The following PDE3B variants were observed in gnomAD, a reference collection of about 807,000 sequenced individuals.
PDE3B encodes the protein cGMP-inhibited 3',5'-cyclic phosphodiesterase 3B.
Under a neutral mutation model 116.8 loss-of-function variants are expected in PDE3B, and 66 were observed. The observed-to-expected ratio is 0.56, with a 90% CI of 0.46 to 0.69. The LOEUF (loss-of-function observed/expected upper bound fraction) is 0.69. Among genes scored for constraint, PDE3B ranks in the 30% least tolerant of loss-of-function variants. The probability of loss-of-function intolerance (pLI) is 0.00; values close to 1 mark genes in which losing one functional copy is unlikely to be tolerated. For synonymous variants in PDE3B, 595 were observed against 533.6 expected (o/e 1.12, Z -1.59); for missense variants, 1,384 against 1,368.1 (o/e 1.01, Z -0.18).
intron 13 of PDE3B, among the ~76,000 whole-genome samples, chr11:14,860,373 A>G (rs1213637066): frequency 6.6e-6 from 1 of 151,286 alleles, no homozygotes; most frequent in Non-Finnish European, 1.5e-5. Flanking sequence ...TTCTACATAT[A>G]TATTTTTTTT....
chr11:14,851,436 A>G (rs1847750409), intron 12 of PDE3B, among the ~76,000 whole-genome samples: 1 of 151,082 alleles, frequency 6.6e-6, no homozygotes, highest in African/African-American at 2.4e-5. Flanking sequence ...TTGAATTGTG[A>G]GCATGTGTGT....
chr11:14,769,596 G>GATATATAT (rs3059191), intron 1 of PDE3B, among the ~76,000 whole-genome samples: 7 of 141,566 alleles, frequency 4.9e-5, no homozygotes, highest in African/African-American at 1.8e-4. Context: ...CGAATCCAGG[G>GATATATAT]ATATATATAT....
rs756932637 is a variant in PDE3B at position 14,789,137 on chromosome 11, A to C, written c.1310A>C (p.Gln437Pro). The C allele has an allele frequency of 1.2e-6, 2 of 1,611,124 alleles. No individual in the cohort carries two copies. The highest frequency in any genetic ancestry group is 2.2e-5 in the East Asian group (1 of 44,832). The change falls in exon 4 of 16, where the codon CAG becomes CCG. Residue 437 changes from glutamine (Q) to proline (P), a missense_variant. This residue lies in a region of PDE3B where 956 missense variants were observed against 806.8 expected (regional missense o/e 1.18). Coordinates refer to ENST00000282096, the MANE Select transcript of PDE3B (RefSeq NM_000922.4). ...GLNRNSLPTP[Q>P]LRRSSGTSGL... ...AATAGGAATAGTTTGCCAACTCCAC[A>C]GCTGAGGAGAAGCTCAGGAACTTCA...
At chr11:14,818,096 A>C in intron 5 of PDE3B, 87 bp from the exon 6 acceptor site, 1 of 897,144 alleles carries the variant, frequency 1.1e-6, no homozygotes, top group Non-Finnish European at 1.7e-6. Flanking sequence ...ATAAGGAAAA[A>C]ATCCATAAAA....
At chr11:14,697,983 C>T (rs970539394) in intron 1 of PDE3B, among the ~76,000 whole-genome samples, 9 of 151,766 alleles carry the variant, frequency 5.9e-5, no homozygotes, top group African/African-American at 2.2e-4. Flanking sequence ...ACTTTCCCAC[C>T]CTTTTATTGC....
chr11:14,815,729 T>G (rs1043385283), intron 5 of PDE3B, among the ~76,000 whole-genome samples: 1 of 152,100 alleles, frequency 6.6e-6, no homozygotes, highest in African/African-American at 2.4e-5. Context: ...GGGCAAGGGT[T>G]AATGCTACCT....
chr11:14,756,801 TA>T (rs1164784142), intron 1 of PDE3B, among the ~76,000 whole-genome samples: 7 of 150,534 alleles, frequency 4.7e-5, no homozygotes, highest in Non-Finnish European at 5.9e-5. Flanking sequence ...TTTAAGTGCT[TA>T]TTTTTTTTTT....
Position 14,644,733 on chromosome 11 carries a change from G to A in PDE3B, c.658G>A (p.Val220Ile). Residue 220 changes from valine to isoleucine, a missense_variant, in exon 1 of 16, where the codon GTT becomes ATT. Val to Ile is a conservative substitution (Grantham distance 29). Transcript: ENST00000282096. ...GCACCCGCTGCGGCTCCGGCACTGC[G>A]TTCTGGTGCTGCTCCTGGCCAGCTT... ...LAHPLRLRHC[V>I]LVLLLASFVW... The A allele has an allele frequency of 1.9e-6, 3 of 1,570,464 alleles. No individual in the cohort carries two copies. The highest frequency in any genetic ancestry group is 2.6e-6 in the Non-Finnish European group (3 of 1,159,774).
chr11:14,801,707 G>GGTTA (rs1315427466), intron 4 of PDE3B, among the ~76,000 whole-genome samples: 2 of 152,200 alleles, frequency 1.3e-5, no homozygotes, highest in Non-Finnish European at 2.9e-5. Flanking sequence ...GGGCAGGGAT[G>GGTTA]GTTAAGTCTG....
rs199971236 is a variant in PDE3B, at chr11:14,859,229, G to A, written c.2707G>A (p.Ala903Thr). The part of the protein sequence containing the change: ...TDLKKHFDFL[A>T]EFNAKANDVN... ...TCTTAAAAAGCATTTTGATTTTCTC[G>A]CAGAATTCAATGCCAAGGTTTGTTA... is the stretch of plus-strand genomic sequence containing the variant. Residue 903 changes from alanine (A) to threonine (T), a missense_variant, in exon 13 of 16, where the codon GCA (alanine) becomes ACA (threonine). By Grantham distance (58) the Ala-to-Thr change is moderately conservative. Transcript: ENST00000282096. The A allele has an allele frequency of 5.2e-5, 83 of 1,610,404 alleles. No individual in the cohort carries two copies. The highest frequency in any genetic ancestry group is 1.7e-4 in the Middle Eastern group (1 of 6,056).
intron 1 of PDE3B, among the ~76,000 whole-genome samples, chr11:14,667,291 G>T (rs1269671713): frequency 6.6e-6 from 1 of 151,014 alleles, no homozygotes; most frequent in Non-Finnish European, 1.5e-5. Flanking sequence ...TTGTGGGGTG[G>T]GGGGAGTGGG....
intron 1 of PDE3B, among the ~76,000 whole-genome samples, chr11:14,741,813 G>C (rs534195220): frequency 1.3e-5 from 2 of 152,250 alleles, no homozygotes; most frequent in South Asian, 4.1e-4. Flanking sequence ...GCATTTGCTT[G>C]TCTGTAAAGG....
intron 2 of PDE3B, chr11:14,775,938 C>T (rs963341768): frequency 6.6e-6 from 1 of 152,148 alleles, no homozygotes; most frequent in African/African-American, 2.4e-5. Flanking sequence ...GCATGTGTTA[C>T]CATATGTAAC....
At position 14,674,619 on chromosome 11, in the gene PDE3B, A is replaced by G. The variant is rs1317928094; in HGVS notation, c.978+29566A>G. 5 of 301,394 alleles carry G rather than the reference A, an allele frequency of 1.7e-5. No homozygotes were observed. In the East Asian group the frequency reaches 4.4e-4, roughly 26 times the overall value. The allele number at this position is 301,394 out of a possible 1,614,324, so 18.7% of individuals were successfully genotyped here. A position where few individuals can be genotyped will look rare whatever the true frequency, so the allele number is the denominator to read the frequency against. On this transcript the variant is annotated intron_variant, in intron 1 of 15. Transcript: ENST00000282096. ...CCCAACTAAAACTTTACTAACTTTG[A>G]TTTTCAGCTAACAATCTTCTAAAGT... is the stretch of plus-strand genomic sequence containing the variant.
At chr11:14,759,204 C>G (rs920768553) in intron 1 of PDE3B, among the ~76,000 whole-genome samples, 1 of 152,070 alleles carries the variant, frequency 6.6e-6, no homozygotes, top group Non-Finnish European at 1.5e-5. Flanking sequence ...CATCAATGTT[C>G]GTCAAGGATA....
intron 5 of PDE3B, among the ~76,000 whole-genome samples, chr11:14,804,348 T>C (rs1858856353): frequency 6.6e-6 from 1 of 151,936 alleles, no homozygotes; most frequent in African/African-American, 2.4e-5. Flanking sequence ...GGGAAAATCT[T>C]CAAGAAAGAG....
At chr11:14,688,483 G>A (rs1057154481) in intron 1 of PDE3B, among the ~76,000 whole-genome samples, 1 of 152,180 alleles carries the variant, frequency 6.6e-6, no homozygotes, top group African/African-American at 2.4e-5. Context: ...AGGCCTTTCA[G>A]TGGAGAGGGC....
chr11:14,647,231 G>A (rs1205773422), intron 1 of PDE3B, among the ~76,000 whole-genome samples: 1 of 151,994 alleles, frequency 6.6e-6, no homozygotes, highest in Non-Finnish European at 1.5e-5. Context: ...TGTTTCAGAA[G>A]GTGAAGGAAG....
intron 4 of PDE3B, among the ~76,000 whole-genome samples, chr11:14,793,555 C>T (rs1858456267): frequency 2.0e-5 from 3 of 152,230 alleles, no homozygotes; most frequent in South Asian, 4.1e-4. Flanking sequence ...TAAAAGAAGA[C>T]TGAACTGCTA....
Sources: allele counts gnomAD v4.1 joint callset (sites outside exome capture counted in the v4.1 genomes callset), GRCh38; gene constraint gnomAD v4.1.1; regional missense constraint gnomAD v4.1.1; transcripts MANE v1.5; gene names NCBI Gene and HGNC (gene_info 2026-07-23, HGNC 2026-07-21).